The following PARD3 variants were observed in gnomAD, a reference collection of about 807,000 sequenced individuals.
PARD3 encodes the protein par-3 family cell polarity regulator, also known as partitioning defective 3 homolog.
Under a neutral mutation model 155.4 loss-of-function variants are expected in PARD3, and 75 were observed. The observed-to-expected ratio is 0.48, with a 90% confidence interval of 0.40 to 0.58. PARD3 has a LOEUF of 0.58. PARD3 is among the 20% of genes least tolerant of loss of function. The pLI is 0.00. For missense variants in PARD3, 1,642 were observed against 1,721.7 expected (o/e 0.95, Z 0.82); for synonymous variants, 576 against 610.5 (o/e 0.94, Z 0.83).
Position 34,265,776 on chromosome 10 carries a change from G to A in PARD3, c.3419+3881C>T, listed in dbSNP as rs372744543. Reference sequence around the variant, plus strand: ...TACACACATGAAGGCACGATGGAATGCTATTTTCACTGTCTCCGGTTAATG... The same window carrying A: ...TACACACATGAAGGCACGATGGAATACTATTTTCACTGTCTCCGGTTAATG... On this transcript the variant is annotated intron_variant, in intron 22 of 24. Coordinates refer to ENST00000374788, the MANE Select transcript of PARD3 (RefSeq NM_001184785.2). Among the ~76,000 whole-genome samples, 42 of 152,332 alleles carry A rather than the reference G, an allele frequency of 2.8e-4. No homozygotes were observed. The South Asian group carries it at 8.3e-3, about 30-fold the overall frequency.
chr10:34,601,439 G>A (rs1479339872), intron 2 of PARD3, among the ~76,000 whole-genome samples: 2 of 152,072 alleles, frequency 1.3e-5, no homozygotes, highest in African/African-American at 2.4e-5. Flanking sequence ...AGAACCCGTC[G>A]TTCATTCATT....
At chr10:34,781,201 T>C (rs1055853218) in intron 1 of PARD3, among the ~76,000 whole-genome samples, 5 of 152,218 alleles carry the variant, frequency 3.3e-5, no homozygotes, top group South Asian at 2.1e-4. Flanking sequence ...CACTAAGCAC[T>C]GCTGAGAGCC....
chr10:34,417,408 A>T (rs1465820901), intron 5 of PARD3, among the ~76,000 whole-genome samples: 1 of 152,148 alleles, frequency 6.6e-6, no homozygotes, highest in African/African-American at 2.4e-5. Context: ...GAAAACTTCA[A>T]ACCTCAAGAA....
intron 4 of PARD3, among the ~76,000 whole-genome samples, chr10:34,460,508 A>G (rs1490057155): frequency 6.6e-6 from 1 of 152,212 alleles, no homozygotes; most frequent in Non-Finnish European, 1.5e-5. Flanking sequence ...TGAGCTATTT[A>G]AACTCTCCAG....
At chr10:34,382,970 T>C in intron 8 of PARD3, 48 bp from the exon 9 acceptor site, 2 of 1,586,414 alleles carry the variant, frequency 1.3e-6, no homozygotes, top group Non-Finnish European at 1.7e-6. Flanking sequence ...ACTGGCAGAC[T>C]AGAAGATATT....
chr10:34,462,654 G>C (rs1349287165), intron 4 of PARD3, among the ~76,000 whole-genome samples: 1 of 151,402 alleles, frequency 6.6e-6, no homozygotes, highest in Non-Finnish European at 1.5e-5. Flanking sequence ...AGATCAGCCT[G>C]GGCAACATAG....
At chr10:34,452,843 A>C (rs1292854754) in intron 4 of PARD3, among the ~76,000 whole-genome samples, 2 of 152,130 alleles carry the variant, frequency 1.3e-5, no homozygotes, top group African/African-American at 4.8e-5. Context: ...CCATTCCCTA[A>C]AACATTTAGA....
At chr10:34,227,607 C>T (rs1952664252) in intron 22 of PARD3, among the ~76,000 whole-genome samples, 1 of 152,080 alleles carries the variant, frequency 6.6e-6, no homozygotes, top group Admixed American at 6.6e-5. Context: ...CATTGCACGC[C>T]AGCCTGGGCA....
At chr10:34,195,667 G>A (rs986093072) in intron 22 of PARD3, among the ~76,000 whole-genome samples, 1 of 152,168 alleles carries the variant, frequency 6.6e-6, no homozygotes, top group East Asian at 1.9e-4. Context: ...GTTCCGAGAA[G>A]AATGAGAAGG....
At position 34,814,978 on chromosome 10, in the gene PARD3, G is replaced by T; in HGVS notation, c.18C>A (p.Cys6Ter). 1 of 1,538,024 alleles carries T rather than the reference G, an allele frequency of 6.5e-7. No homozygotes were observed. Residue 6 changes from cysteine (C) to a stop codon, truncating the protein, a stop_gained, in exon 1 of 25, where the codon TGC becomes TGA. Coordinates refer to ENST00000374788, the MANE Select transcript of PARD3 (RefSeq NM_001184785.2). LOFTEE classifies it high-confidence loss of function. MKVTV[C>*]FGRTRVVVPC... is the part of the protein sequence containing the mutation. ...GCACGACCACCCGGGTCCGTCCGAAGCACACGGTCACTTTCATGCCGCCGC... is the reference window on the plus strand; with the variant it reads ...GCACGACCACCCGGGTCCGTCCGAATCACACGGTCACTTTCATGCCGCCGC...
intron 15 of PARD3, chr10:34,345,202 G>C (rs1262489496): frequency 1.1e-5 from 11 of 984,622 alleles, no homozygotes; most frequent in East Asian, 1.1e-4. Flanking sequence ...TTCCTCATCT[G>C]TTAAATGGGA....
intron 2 of PARD3, among the ~76,000 whole-genome samples, chr10:34,586,204 T>A (rs2088027376): frequency 6.6e-6 from 1 of 152,066 alleles, no homozygotes; most frequent in Admixed American, 6.6e-5. Flanking sequence ...GAACCAAGAA[T>A]ATAAAAGAAG....
Position 34,401,900 on chromosome 10 carries a change from T to C in PARD3, c.732A>G (p.Glu244=). 3 of 1,613,558 alleles carry C rather than the reference T, an allele frequency of 1.9e-6. No homozygotes were observed. Among genetic ancestry groups the C allele is most frequent in the Non-Finnish European group, 2.5e-6 (3 of 1,179,520 alleles). Reference sequence around the variant, plus strand: ...CAGGTTCAACACGACTGTTATCCTCTTCTGTCCCATCCTCATCCTAGAGGC... The same window carrying C: ...CAGGTTCAACACGACTGTTATCCTCCTCTGTCCCATCCTCATCCTAGAGGC... ...EKQEQDEDGT[E]EDNSRVEPVG... is the part of the protein sequence containing the mutation. Residue 244 remains glutamate, a synonymous_variant, in exon 6 of 25, where the codon GAA becomes GAG. Transcript: ENST00000374788.
At chr10:34,285,884 C>T (rs7092183) in intron 20 of PARD3, among the ~76,000 whole-genome samples, 4,468 of 152,106 alleles carry the variant, frequency 0.029, 199 homozygotes, top group African/African-American at 0.1. Context: ...TATTATTATA[C>T]AGTAATCAAA....
At chr10:34,645,164 T>TATTTC (rs2092798007) in intron 2 of PARD3, among the ~76,000 whole-genome samples, 2 of 58,272 alleles carry the variant, frequency 3.4e-5, no homozygotes, top group Non-Finnish European at 7.4e-5. Flanking sequence ...ACACTATTTT[T>TATTTC]ATTTTATTTT....
At chr10:34,218,372 A>G (rs148687138) in intron 22 of PARD3, among the ~76,000 whole-genome samples, 29 of 152,298 alleles carry the variant, frequency 1.9e-4, no homozygotes, top group African/African-American at 7.0e-4. Flanking sequence ...AACTTCTGTT[A>G]ACTAACCACC....
chr10:34,145,824 T>C (rs1948479932), intron 22 of PARD3, among the ~76,000 whole-genome samples: 1 of 152,200 alleles, frequency 6.6e-6, no homozygotes, highest in South Asian at 2.1e-4. Flanking sequence ...TTCACATGTT[T>C]TTCTGCCCTT....
intron 1 of PARD3, among the ~76,000 whole-genome samples, chr10:34,774,713 T>C (rs940979807): frequency 7.1e-6 from 1 of 141,830 alleles, no homozygotes; most frequent in Non-Finnish European, 1.6e-5. Flanking sequence ...CTTATACCAA[T>C]AAAACATCCT....
intron 14 of PARD3, among the ~76,000 whole-genome samples, chr10:34,355,938 AAAAAAAAACAAAACAAAACC>A (rs1838787084): frequency 3.0e-5 from 4 of 132,578 alleles, no homozygotes; most frequent in African/African-American, 1.5e-4. Flanking sequence ...AAAAAAAAAA[AAAAAAAAACAAAACAAAACC>A]AAACAAAAAA....
Sources: gnomAD v4.1 joint callset for allele counts (sites outside exome capture counted in the v4.1 genomes callset) on GRCh38, gnomAD v4.1.1 for gene constraint, MANE v1.5 for transcripts, NCBI Gene and HGNC (gene_info 2026-07-23, HGNC 2026-07-21) for gene names.